MCPH1: variants seen among roughly 807,000 people sequenced by gnomAD.
MCPH1 encodes microcephalin.
MCPH1 carries 104 observed loss-of-function variants against 84.5 expected under a neutral mutation model. That is an observed-to-expected ratio of 1.23 (90% CI 1.05 to 1.45). MCPH1 has a LOEUF of 1.45. Among genes scored for constraint, MCPH1 ranks in the 40% most tolerant of loss-of-function variants. The probability of loss-of-function intolerance (pLI) is 0.00; values close to 1 mark genes in which losing one functional copy is unlikely to be tolerated. For synonymous variants in MCPH1, 514 were observed against 366.8 expected (o/e 1.40, Z -4.58); for missense variants, 1,498 against 1,005.7 (o/e 1.49, Z -6.62).
At chr8:6,485,861 A>G (rs1393053105) in intron 11 of MCPH1, among the ~76,000 whole-genome samples, 4 of 152,164 alleles carry the variant, frequency 2.6e-5, no homozygotes, top group African/African-American at 9.7e-5. Context: ...GGTAACCGCA[A>G]TGGTAACCAC....
At chr8:6,539,544 A>C (rs186417848) in intron 12 of MCPH1, among the ~76,000 whole-genome samples, 1 of 151,934 alleles carries the variant, frequency 6.6e-6, no homozygotes, top group Non-Finnish European at 1.5e-5. Context: ...CCTGAAATGG[A>C]TCTGTTCTGA....
chr8:6,553,573 C>T lies in MCPH1; in HGVS notation c.2214+53644C>T, dbSNP rs149588058. On this transcript the variant is annotated intron_variant, in intron 12 of 13. Transcript: ENST00000344683. ...GTATAGAACGCCTTTATTCAAACAA[C>T]GGGAGAACATGAACATATCCCTTTG... is the stretch of plus-strand genomic sequence containing the variant. 8.1e-3 allele frequency among the ~76,000 whole-genome samples: 1,229 copies of T among 152,232 alleles called. 6 individuals carry two copies. The highest frequency in any genetic ancestry group is 0.028 in the South Asian group (136 of 4,822).
chr8:6,562,552 C>CTTCTTTTTTTTTTTTTTTTTTTTTT (rs1825700604), intron 12 of MCPH1: 1 of 71,748 alleles, frequency 1.4e-5, no homozygotes, highest in African/African-American at 6.3e-5. Flanking sequence ...CATCCTCCTT[C>CTTCTTTTTTTTTTTTTTTTTTTTTT]TTTTTTTTTT....
At chr8:6,440,905 G>C (rs925988380) in intron 6 of MCPH1, among the ~76,000 whole-genome samples, 5 of 152,176 alleles carry the variant, frequency 3.3e-5, no homozygotes, top group Non-Finnish European at 7.3e-5. Flanking sequence ...TTCAGAAGTA[G>C]GCAGCCAGGG....
chr8:6,431,952 C>G (rs375942777), intron 4 of MCPH1, among the ~76,000 whole-genome samples: 2 of 152,194 alleles, frequency 1.3e-5, no homozygotes, highest in East Asian at 3.8e-4. Context: ...TCCGATGGAC[C>G]TACATCCAAG....
At chr8:6,558,439 A>G (rs1825001223) in intron 12 of MCPH1, among the ~76,000 whole-genome samples, 5 of 152,178 alleles carry the variant, frequency 3.3e-5, no homozygotes, top group African/African-American at 7.2e-5. Context: ...AATGTACAAA[A>G]TTTCAATTAT....
At chr8:6,521,698 T>G (rs1817375077) in intron 12 of MCPH1, among the ~76,000 whole-genome samples, 1 of 152,182 alleles carries the variant, frequency 6.6e-6, no homozygotes, top group African/African-American at 2.4e-5. Flanking sequence ...ATATGGGTGT[T>G]TTTTGTATTA....
rs148127850 is a variant in MCPH1, at chr8:6,555,226, G to C, written c.2214+55297G>C. Among the ~76,000 whole-genome samples, 3 of 152,238 alleles carry C rather than the reference G, an allele frequency of 2.0e-5. No individual in the cohort carries two copies. In the East Asian group the frequency reaches 5.8e-4, roughly 29 times the overall value. ...TGGTGATCCAGTCTGTAGAATGTGAGATGGACAATAACAATCAAACCGTTT... is the reference window on the plus strand; with the variant it reads ...TGGTGATCCAGTCTGTAGAATGTGACATGGACAATAACAATCAAACCGTTT... On this transcript the variant is annotated intron_variant, in intron 12 of 13. Transcript: ENST00000344683.
chr8:6,470,515 C>G lies in MCPH1; in HGVS notation c.1936-7079C>G, dbSNP rs564390831. 3.9e-5 allele frequency among the ~76,000 whole-genome samples: 6 copies of G among 152,276 alleles called. No individual in the cohort carries two copies. The South Asian group carries it at 1.2e-3, about 32-fold the overall frequency. ...GGCCAGGCTAGTCTCGAACTCCTGA[C>G]CTCAAGTGATTCGCCCACCTTGGTC... is the stretch of plus-strand genomic sequence containing the variant. On this transcript the variant is annotated intron_variant, in intron 9 of 13. Coordinates refer to ENST00000344683, the MANE Select transcript of MCPH1 (RefSeq NM_024596.5).
intron 9 of MCPH1, among the ~76,000 whole-genome samples, chr8:6,466,516 C>T (rs1028214963): frequency 6.6e-6 from 1 of 152,192 alleles, no homozygotes; most frequent in Non-Finnish European, 1.5e-5. Context: ...GCCGTATTAG[C>T]CAGGATGGTC....
At chr8:6,580,647 T>G (rs888922150) in intron 12 of MCPH1, among the ~76,000 whole-genome samples, 31 of 151,894 alleles carry the variant, frequency 2.0e-4, no homozygotes, top group African/African-American at 7.5e-4. Context: ...CAAGACTCTA[T>G]CTCAACCACA....
At chr8:6,591,979 T>C (rs1023319230) in intron 12 of MCPH1, among the ~76,000 whole-genome samples, 3 of 152,156 alleles carry the variant, frequency 2.0e-5, no homozygotes, top group African/African-American at 7.2e-5. Flanking sequence ...GGGAAAAAAT[T>C]CGACAACGCA....
intron 9 of MCPH1, among the ~76,000 whole-genome samples, chr8:6,475,737 A>G (rs1312102995): frequency 6.6e-6 from 1 of 152,172 alleles, no homozygotes; most frequent in Non-Finnish European, 1.5e-5. Flanking sequence ...GCATTGTCCA[A>G]GCAGGTTTCC....
chr8:6,594,868 G>A (rs1042801103), intron 12 of MCPH1, among the ~76,000 whole-genome samples: 61 of 152,200 alleles, frequency 4.0e-4, no homozygotes, highest in African/African-American at 1.4e-3. Flanking sequence ...GGCTGGGGAG[G>A]ACCTAGTTTA....
In MCPH1 at chr8:6,483,792, G is replaced by C. The variant is rs180770962; in HGVS notation, c.2136+2916G>C. On this transcript the variant is annotated intron_variant, in intron 11 of 13. Coordinates refer to ENST00000344683, the MANE Select transcript of MCPH1 (RefSeq NM_024596.5). ...CAAGAATCACTTAAACCGGTGAGAT[G>C]GAGGTTGCAAAGAGCCAATACCATG... is the stretch of plus-strand genomic sequence containing the variant. 2.2e-3 allele frequency among the ~76,000 whole-genome samples: 332 copies of C among 152,194 alleles called. 1 individual carries two copies. Among genetic ancestry groups the C allele is most frequent in the Non-Finnish European group, 3.5e-3 (238 of 68,012 alleles).
chr8:6,543,388 C>T (rs1330119235), intron 12 of MCPH1, among the ~76,000 whole-genome samples: 2 of 152,178 alleles, frequency 1.3e-5, no homozygotes, highest in Admixed American at 1.3e-4. Context: ...ACACCCTTCT[C>T]TCTGTGCTTT....
At chr8:6,499,994 A>G in intron 12 of MCPH1, 65 bp downstream of exon 12, 2 of 1,387,024 alleles carry the variant, frequency 1.4e-6, no homozygotes, top group Admixed American at 1.7e-5. Context: ...TATTATAAAC[A>G]TAAGGGTGGA....
At chr8:6,421,444 G>T (rs1272966178) in intron 3 of MCPH1, among the ~76,000 whole-genome samples, 1 of 151,634 alleles carries the variant, frequency 6.6e-6, no homozygotes, top group Non-Finnish European at 1.5e-5. Flanking sequence ...AGAGTTCAGT[G>T]GTCTATAGCA....
At chr8:6,606,568 T>C (rs1355407022) in intron 12 of MCPH1, among the ~76,000 whole-genome samples, 3 of 152,206 alleles carry the variant, frequency 2.0e-5, no homozygotes, top group Admixed American at 2.0e-4. Context: ...ATGTGCTGCT[T>C]CCTGCCCCCT....
Sources: allele counts gnomAD v4.1 joint callset (sites outside exome capture counted in the v4.1 genomes callset), GRCh38; gene constraint gnomAD v4.1.1; transcripts MANE v1.5; gene names NCBI Gene and HGNC (gene_info 2026-07-23, HGNC 2026-07-21).